CNPPD1: variants seen among roughly 807,000 people sequenced by gnomAD.
CNPPD1 encodes cyclin Pas1/PHO80 domain containing 1, also known as protein CNPPD1.
In CNPPD1, 40 loss-of-function variants were observed where a neutral mutation model predicts 43.7. The observed-to-expected ratio is 0.92, with a 90% CI of 0.71 to 1.19. The LOEUF is 1.19. Ranked by LOEUF, CNPPD1 falls within the 50% of genes most tolerant of loss-of-function variation. The probability of loss-of-function intolerance (pLI) is 0.00; values close to 1 mark genes in which losing one functional copy is unlikely to be tolerated. For synonymous variants in CNPPD1, 208 were observed against 214.3 expected (o/e 0.97, Z 0.26); for missense variants, 511 against 518.5 (o/e 0.99, Z 0.14).
Position 219,174,772 on chromosome 2 carries a change from G to A in CNPPD1, c.510+6C>T. ...AAACTGAGCAAGAGAGAGAACAGCT[G>A]CTCACCATGGCACTCAGGAAGCCCC... On this transcript the variant is annotated splice_donor_region_variant and intron_variant, in intron 5 of 7. Coordinates refer to ENST00000360507, the MANE Select transcript of CNPPD1 (RefSeq NM_015680.6). 3 of 1,586,474 alleles carry A rather than the reference G, an allele frequency of 1.9e-6. No homozygotes were observed. Among genetic ancestry groups the A allele is most frequent in the Non-Finnish European group, 2.6e-6 (3 of 1,164,158 alleles).
chr2:219,173,104 A>G lies in CNPPD1; in HGVS notation c.715T>C (p.Tyr239His). 2 of 1,591,370 alleles carry G rather than the reference A, an allele frequency of 1.3e-6. No homozygotes were observed. Among genetic ancestry groups the G allele is most frequent in the African/African-American group, 2.7e-5 (2 of 74,570 alleles). The change falls in exon 8 of 8, where the codon TAT (tyrosine) becomes CAT (histidine). Residue 239 changes from tyrosine (Y) to histidine (H), a missense_variant. Transcript: ENST00000360507. ...VKLSCLLAVAYVSSVALAVAS... is the reference protein window; with the variant it reads ...VKLSCLLAVAHVSSVALAVAS... ...ACAGCCAGGGCCACACTGCTCACAT[A>G]TGCCACAGCTAACAGGCAAGACAGC...
upstream of CNPPD1, chr2:219,177,873 G>C (rs1950202686): frequency 6.6e-6 from 1 of 152,424 alleles, no homozygotes; most frequent in Non-Finnish European, 1.5e-5. Flanking sequence ...GGAGGGAACT[G>C]GGAGGACCAG....
In CNPPD1 at chr2:219,174,853, G is replaced by C. The variant is rs150288895; in HGVS notation, c.435C>G (p.Asn145Lys). ...YDEGEEEEVF[N>K]DEWGAAGGVA... ...CACCCCCAGCAGCTCCCCATTCGTC[G>C]TTGAAGACCTCCTCCTCCTCCCCTT... is the stretch of plus-strand genomic sequence containing the variant. The change falls in exon 5 of 8, where the codon AAC becomes AAG. Residue 145 changes from asparagine to lysine, a missense_variant. Asn to Lys is a moderately conservative substitution (Grantham distance 94). Transcript: ENST00000360507. The C allele has an allele frequency of 8.1e-6, 13 of 1,613,994 alleles. No individual in the cohort carries two copies. The African/African-American group carries it at 1.7e-4, about 22-fold the overall frequency.
chr2:219,176,645 A>T, intron 1 of CNPPD1, 115 bp downstream of exon 1: 1 of 830,696 alleles, frequency 1.2e-6, no homozygotes, highest in Non-Finnish European at 1.9e-6. Flanking sequence ...TCAAGGAAGC[A>T]CTGCTCGAGC....
At chr2:219,174,660 C>T in intron 5 of CNPPD1, 118 bp downstream of exon 5, 1 of 1,381,936 alleles carries the variant, frequency 7.2e-7, no homozygotes, top group Non-Finnish European at 9.7e-7. Context: ...AACACAAAGG[C>T]AGGAGGAGGA....
Position 219,172,357 on chromosome 2 carries a change from A to G in CNPPD1, c.*229T>C. 1.7e-6 allele frequency: 1 copy of G among 583,720 alleles called. No individual in the cohort carries two copies. 36.2% of individuals were successfully genotyped at this position (583,720 alleles called of 1,614,324 possible). On this transcript the variant is annotated 3_prime_UTR_variant, in exon 8 of 8. Transcript: ENST00000360507. Reference sequence around the variant, plus strand: ...ATCTGGGACATGTCCCTGGTCACCAAGCGGAAGCTCTCCCTGGCGGCATCA... The same window carrying G: ...ATCTGGGACATGTCCCTGGTCACCAGGCGGAAGCTCTCCCTGGCGGCATCA...
At position 219,176,820 on chromosome 2, in the gene CNPPD1, C is replaced by G; in HGVS notation, c.9G>C (p.Leu3=). The change falls in exon 1 of 8, where the codon CTG becomes CTC. Residue 3 remains leucine, a synonymous_variant. Transcript: ENST00000360507. MD[L]TGLLLDEEGT... ...CTTCTTCGTCCAGCAGGAGCCCGGT[C>G]AGGTCCATCGCGCCGCCAGTCGCCG... The G allele has an allele frequency of 1.3e-6, 2 of 1,578,276 alleles. No homozygotes were observed. The highest frequency in any genetic ancestry group is 2.3e-5 in the East Asian group (1 of 42,826).
chr2:219,174,024 G>A, intron 6 of CNPPD1, 122 bp downstream of exon 6: 1 of 944,490 alleles, frequency 1.1e-6, no homozygotes, highest in Non-Finnish European at 1.7e-6. Context: ...ACCACTATCT[G>A]GGCAATTCTC....
In CNPPD1 at chr2:219,174,196, G is replaced by A; in HGVS notation, c.522C>T (p.Leu174=). The A allele has an allele frequency of 6.2e-7, 1 of 1,614,190 alleles. No homozygotes were observed. Reference sequence around the variant, plus strand: ...CAAAGATCTCCCGAGGGTCAGTGTAGAGATGCCAATCCTGTGAGTACGGAG... The same window carrying A: ...CAAAGATCTCCCGAGGGTCAGTGTAAAGATGCCAATCCTGTGAGTACGGAG... ...RGFLSAMDWH[L]YTDPREIFEV... Residue 174 remains leucine (L), a synonymous_variant, in exon 6 of 8, where the codon CTC becomes CTT. Transcript: ENST00000360507.
At chr2:219,176,944 G>A (rs1427280957), upstream of CNPPD1, 18 of 832,088 alleles carry the variant, frequency 2.2e-5, no homozygotes, top group Middle Eastern at 2.4e-4. Flanking sequence ...GGGGCGGGCC[G>A]CCGTCCTCGC....
At position 219,175,009 on chromosome 2, in the gene CNPPD1, A is replaced by C; in HGVS notation, c.360T>G (p.Ser120=). 6.2e-7 allele frequency: 1 copy of C among 1,614,060 alleles called. No individual in the cohort carries two copies. The highest frequency in any genetic ancestry group is 8.5e-7 in the Non-Finnish European group (1 of 1,180,000). The change falls in exon 4 of 8, where the codon TCT becomes TCG. Residue 120 remains serine (S), a synonymous_variant. Transcript: ENST00000360507. ...NPDYLQHVSS[S]DLFLISMMVA... Reference sequence around the variant, plus strand: ...TTACCATGGAGATCAGGAACAAGTCAGAGGATGACACATGCTGCAAGTAGT... The same window carrying C: ...TTACCATGGAGATCAGGAACAAGTCCGAGGATGACACATGCTGCAAGTAGT...
Position 219,172,895 on chromosome 2 carries a change from G to A in CNPPD1, c.924C>T (p.Leu308=). 1 of 1,608,570 alleles carries A rather than the reference G, an allele frequency of 6.2e-7. No homozygotes were observed. Among genetic ancestry groups the A allele is most frequent in the Admixed American group, 1.7e-5 (1 of 59,650 alleles). ...TCAGTGAGGCCAGAAGACTGCCCCA[G>A]AGTGACCGCAGCCCCATGCTGCCTT... ...CLEGSMGLRS[L]WGSLLASLTP... The change falls in exon 8 of 8, where the codon CTC becomes CTT. Residue 308 remains leucine (L), a synonymous_variant. Transcript: ENST00000360507.
chr2:219,175,216 C>A, intron 3 of CNPPD1, 108 bp from the exon 4 acceptor site: 1 of 1,386,542 alleles, frequency 7.2e-7, no homozygotes, highest in Non-Finnish European at 9.5e-7. Flanking sequence ...AAAAACTATT[C>A]CTGGCTGGGC....
chr2:219,176,695 G>T, intron 1 of CNPPD1, 65 bp downstream of exon 1: 2 of 1,262,096 alleles, frequency 1.6e-6, no homozygotes, highest in Non-Finnish European at 2.2e-6. Flanking sequence ...AGGCGAGCTC[G>T]CAGCGCCGCT....
Position 219,175,124 on chromosome 2 carries a change from G to A in CNPPD1, c.261-16C>T. 1 of 1,569,692 alleles carries A rather than the reference G, an allele frequency of 6.4e-7. No homozygotes were observed. The highest frequency in any genetic ancestry group is 1.2e-5 in the South Asian group (1 of 85,828). On this transcript the variant is annotated splice_polypyrimidine_tract_variant and intron_variant, in intron 3 of 7. Coordinates refer to ENST00000360507, the MANE Select transcript of CNPPD1 (RefSeq NM_015680.6). ...GCATGCCTCCCTGGGTGGTAGAAAG[G>A]ATCACTAATTAAACCCAAGGGTCCT...
rs974907321 is a variant in CNPPD1 at position 219,172,667 on chromosome 2, A to G, written c.1152T>C (p.Leu384=). 2 of 1,614,034 alleles carry G rather than the reference A, an allele frequency of 1.2e-6. No individual in the cohort carries two copies. The highest frequency in any genetic ancestry group is 1.7e-6 in the Non-Finnish European group (2 of 1,180,034). ...APPWPWSPVL[L]SLPQPQQCSL... ...AACATTGCTGAGGCTGAGGAAGTGA[A>G]AGGAGCACCGGGCTCCAAGGCCAGG... Residue 384 remains leucine, a synonymous_variant, in exon 8 of 8, where the codon CTT becomes CTC. Transcript: ENST00000360507.
Position 219,173,429 on chromosome 2 carries a change from G to A in CNPPD1, c.611C>T (p.Thr204Ile), listed in dbSNP as rs1414984399. Residue 204 changes from threonine to isoleucine, a missense_variant, in exon 7 of 8, where the codon ACC becomes ATC. Thr to Ile is a moderately conservative substitution (Grantham distance 89, BLOSUM62 -1). Coordinates refer to ENST00000360507, the MANE Select transcript of CNPPD1 (RefSeq NM_015680.6). Reference protein sequence around the residue: ...EQQGRWRGWYTYTDLCVLLEQ... With the variant: ...EQQGRWRGWYIYTDLCVLLEQ... ...CAGCAGCACACACAGGTCTGTGTAG[G>A]TGTACCAGCCTCGCCACCGTCCCTG... is the stretch of plus-strand genomic sequence containing the variant. The A allele has an allele frequency of 6.2e-7, 1 of 1,613,860 alleles. No individual in the cohort carries two copies.
rs746011264 is a variant in CNPPD1, at chr2:219,174,846, A to C, written c.442T>G (p.Trp148Gly). ...ACGGCCACACCCCCAGCAGCTCCCC[A>C]TTCGTCGTTGAAGACCTCCTCCTCC... ...GEEEEVFNDEWGAAGGVAVPT... is the reference protein window; with the variant it reads ...GEEEEVFNDEGGAAGGVAVPT... Residue 148 changes from tryptophan to glycine, a missense_variant, in exon 5 of 8, where the codon TGG becomes GGG. Physicochemically the swap from Trp to Gly is radical, Grantham distance 184. Transcript: ENST00000360507. 6.2e-7 allele frequency: 1 copy of C among 1,614,114 alleles called. No homozygotes were observed. The highest frequency in any genetic ancestry group is 8.5e-7 in the Non-Finnish European group (1 of 1,180,008).
At position 219,174,183 on chromosome 2, in the gene CNPPD1, G is replaced by T; in HGVS notation, c.535C>A (p.Arg179=). ...AMDWHLYTDP[R]EIFEVLSWLE... The stretch of plus-strand genomic sequence containing the variant: ...CAGCTCAGCACCTCAAAGATCTCCC[G>T]AGGGTCAGTGTAGAGATGCCAATCC... Residue 179 remains arginine, a synonymous_variant, in exon 6 of 8, where the codon CGG becomes AGG. Transcript: ENST00000360507. 6.2e-7 allele frequency: 1 copy of T among 1,614,152 alleles called. No individual in the cohort carries two copies. The highest frequency in any genetic ancestry group is 8.5e-7 in the Non-Finnish European group (1 of 1,180,030).
Sources: gnomAD v4.1 joint callset for allele counts on GRCh38, gnomAD v4.1.1 for gene constraint, MANE v1.5 for transcripts, NCBI Gene and HGNC (gene_info 2026-07-23, HGNC 2026-07-21) for gene names.